The following CADM3 variants were observed in gnomAD, a reference collection of about 807,000 sequenced individuals.
CADM3 encodes cell adhesion molecule 3.
CADM3 carries 11 observed loss-of-function variants against 44.9 expected under a neutral mutation model. The ratio of observed to expected loss-of-function variants is 0.25; its 90% CI spans 0.15 to 0.41. The LOEUF is 0.41. Among genes scored for constraint, CADM3 ranks in the 10% least tolerant of loss-of-function variants. The probability of loss-of-function intolerance (pLI) is 1.00; values close to 1 mark genes in which losing one functional copy is unlikely to be tolerated. For synonymous variants in CADM3, 207 were observed against 205.2 expected (o/e 1.01, Z -0.08); for missense variants, 426 against 512.0 (o/e 0.83, Z 1.62).
At chr1:159,175,283 T>A (rs1648975588) in intron 1 of CADM3, among the ~76,000 whole-genome samples, 1 of 152,236 alleles carries the variant, frequency 6.6e-6, no homozygotes, top group African/African-American at 2.4e-5. Context: ...CACAGAAAAG[T>A]TAAGACCATC....
chr1:159,185,798 A>C (rs1649395119), intron 1 of CADM3, among the ~76,000 whole-genome samples: 1 of 152,182 alleles, frequency 6.6e-6, no homozygotes. Flanking sequence ...TTAGTATCTG[A>C]TTCATTTAAT....
intron 1 of CADM3, among the ~76,000 whole-genome samples, chr1:159,185,081 T>C (rs535173537): frequency 1.6e-4 from 25 of 152,302 alleles, no homozygotes; most frequent in Non-Finnish European, 3.4e-4. Flanking sequence ...TAGAGTGCTA[T>C]GAAAACACAA....
In CADM3 at chr1:159,202,038, GGGAATAATGTGAACTGT is replaced by G. The variant is rs1172331830; in HGVS notation, c.*1118_*1134del. The G allele has an allele frequency of 5.9e-5, 9 of 153,120 alleles. No individual in the cohort carries two copies. The highest frequency in any genetic ancestry group is 1.5e-5 in the Non-Finnish European group (1 of 68,162). The allele number at this position is 153,120 out of a possible 1,614,324, so 9.5% of individuals were successfully genotyped here. ...GTGAGCTGTTTCCTGCCCAAACTAA[GGGAATAATGTGAACTGT>G]GTGCATGTGTGTGGTGTGTATGCAT... is the stretch of plus-strand genomic sequence containing the variant. On this transcript the variant is annotated 3_prime_UTR_variant, in exon 9 of 9. Transcript: ENST00000368125.
intron 1 of CADM3, among the ~76,000 whole-genome samples, chr1:159,184,303 G>C (rs1258507740): frequency 1.3e-5 from 2 of 152,160 alleles, no homozygotes; most frequent in East Asian, 3.8e-4. Flanking sequence ...CAGTATTCTG[G>C]GCCGCAGCCC....
At chr1:159,174,743 T>G (rs956793847) in intron 1 of CADM3, among the ~76,000 whole-genome samples, 1 of 152,176 alleles carries the variant, frequency 6.6e-6, no homozygotes, top group African/African-American at 2.4e-5. Flanking sequence ...CTTCTCACAT[T>G]TCCCCACTAG....
chr1:159,199,391 G>GGGGA (rs1650050637), intron 7 of CADM3, among the ~76,000 whole-genome samples: 5 of 146,678 alleles, frequency 3.4e-5, no homozygotes, highest in Admixed American at 6.9e-5. Context: ...AAAAGAAGAG[G>GGGGA]CGGAGGGAGG....
chr1:159,184,433 G>A (rs1316534680), intron 1 of CADM3, among the ~76,000 whole-genome samples: 1 of 152,100 alleles, frequency 6.6e-6, no homozygotes. Context: ...GAAATGCTGA[G>A]TCATCATCAT....
At chr1:159,177,929 A>G (rs546777093) in intron 1 of CADM3, among the ~76,000 whole-genome samples, 2 of 152,346 alleles carry the variant, frequency 1.3e-5, no homozygotes, top group East Asian at 3.9e-4. Flanking sequence ...ATACAGTTGT[A>G]CTTTGGTATC....
At chr1:159,189,632 C>G (rs1365345054) in intron 1 of CADM3, 4 of 652,798 alleles carry the variant, frequency 6.1e-6, no homozygotes, top group Non-Finnish European at 1.1e-5. Flanking sequence ...GGTAAGAACC[C>G]TACCTTCTCT....
rs1404922034 is a variant in CADM3, at chr1:159,171,673, T to C, written c.-93T>C. 3 of 992,268 alleles carry C rather than the reference T, an allele frequency of 3.0e-6. No homozygotes were observed. Among genetic ancestry groups the C allele is most frequent in the East Asian group, 3.3e-5 (1 of 30,522 alleles). The allele number at this position is 992,268 out of a possible 1,614,324, so 61.5% of individuals were successfully genotyped here. On this transcript the variant is annotated 5_prime_UTR_variant, in exon 1 of 9. Transcript: ENST00000368125. ...TCCGAAGCGGCTCGGGGGCGCCCTT[T>C]CGGTCAACATCGTAGTCCACCCCCT...
At position 159,199,698 on chromosome 1, in the gene CADM3, A is replaced by G. The variant is rs1258223719; in HGVS notation, c.953-53A>G. On this transcript the variant is annotated intron_variant, in intron 7 of 8. Coordinates refer to ENST00000368125, the MANE Select transcript of CADM3 (RefSeq NM_001127173.3). Reference sequence around the variant, plus strand: ...CTATTCATGGCCAAGTTGGAATGCTATAAGATAAGGGCTCTCCCCAGATCT... The same window carrying G: ...CTATTCATGGCCAAGTTGGAATGCTGTAAGATAAGGGCTCTCCCCAGATCT... 1.7e-5 allele frequency: 27 copies of G among 1,613,528 alleles called. No individual in the cohort carries two copies. The East Asian group carries it at 5.6e-4, about 33-fold the overall frequency.
chr1:159,193,755 G>A, intron 4 of CADM3, 115 bp from the exon 5 acceptor site: 1 of 1,478,074 alleles, frequency 6.8e-7, no homozygotes, highest in Non-Finnish European at 9.3e-7. Flanking sequence ...GTTTATCTAG[G>A]TTGAGACTCA....
rs981816892 is a variant in CADM3 at position 159,184,911 on chromosome 1, T to A, written c.89-7025T>A. On this transcript the variant is annotated intron_variant, in intron 1 of 8. Coordinates refer to ENST00000368125, the MANE Select transcript of CADM3 (RefSeq NM_001127173.3). ...TGCCACTCTTAATATGAACAATCAA[T>A]AAGAAGAAAATCAGTGGGTGAAAGG... is the stretch of plus-strand genomic sequence containing the variant. Among the ~76,000 whole-genome samples, 72 of 152,234 alleles carry A rather than the reference T, an allele frequency of 4.7e-4. 1 individual carries two copies. The highest frequency in any genetic ancestry group is 1.7e-3 in the African/African-American group (69 of 41,524).
rs138931559 is a variant in CADM3, at chr1:159,196,021, G to T, written c.692-343G>T. The T allele has an allele frequency of 1.2e-3, 232 of 194,228 alleles. 1 individual carries two copies. The East Asian group carries it at 0.029, about 24-fold the overall frequency. The allele number at this position is 194,228 out of a possible 1,614,324, so 12.0% of individuals were successfully genotyped here. On this transcript the variant is annotated intron_variant, in intron 5 of 8. Transcript: ENST00000368125. ...ATATGTGACAAGTTCAACTTTATTT[G>T]TTCTGTAAAAAATATGTATTAGGTC...
At chr1:159,182,057 GACACAC>G (rs376492660) in intron 1 of CADM3, among the ~76,000 whole-genome samples, 83 of 144,080 alleles carry the variant, frequency 5.8e-4, no homozygotes, top group Middle Eastern at 3.6e-3. Context: ...CACACAGACA[GACACAC>G]ACACACACAC....
intron 1 of CADM3, among the ~76,000 whole-genome samples, chr1:159,178,837 A>G (rs1330759292): frequency 1.3e-5 from 2 of 152,200 alleles, no homozygotes; most frequent in Non-Finnish European, 2.9e-5. Context: ...CAAGCTTCTC[A>G]TCCCCTAAAT....
rs35256099 is a variant in CADM3 at position 159,200,859 on chromosome 1, G to A, written c.1134G>A (p.Thr378=). 44,874 of 1,611,094 alleles carry A rather than the reference G, an allele frequency of 0.028. 671 individuals carry two copies. The highest frequency in any genetic ancestry group is 0.054 in the Middle Eastern group (329 of 6,048). The change falls in exon 9 of 9, where the codon ACG becomes ACA. Residue 378 remains threonine (T), a synonymous_variant. Transcript: ENST00000368125. The part of the protein sequence containing the change: ...KGSDDAPDAD[T]AIINAEGGQS... Reference sequence around the variant, plus strand: ...CCGACGATGCTCCAGACGCGGACACGGCCATCATCAATGCAGAAGGCGGGC... The same window carrying A: ...CCGACGATGCTCCAGACGCGGACACAGCCATCATCAATGCAGAAGGCGGGC...
chr1:159,177,870 T>C (rs1185152763), intron 1 of CADM3, among the ~76,000 whole-genome samples: 3 of 152,238 alleles, frequency 2.0e-5, no homozygotes, highest in African/African-American at 7.2e-5. Context: ...TACAACTATA[T>C]ATAGTTCTGT....
intron 8 of CADM3, among the ~76,000 whole-genome samples, chr1:159,200,268 A>G (rs1650105830): frequency 6.6e-6 from 1 of 151,252 alleles, no homozygotes; most frequent in Non-Finnish European, 1.5e-5. Flanking sequence ...CTTTGATCTC[A>G]TTGCCTTTCT....
Sources: allele counts gnomAD v4.1 joint callset (sites outside exome capture counted in the v4.1 genomes callset), GRCh38; gene constraint gnomAD v4.1.1; transcripts MANE v1.5; gene names NCBI Gene and HGNC (gene_info 2026-07-23, HGNC 2026-07-21).